Variants in DAPK1 observed in about 807,000 individuals in gnomAD.
DAPK1 encodes the protein death associated protein kinase 1.
DAPK1 carries 56 observed loss-of-function variants against 144.9 expected under a neutral mutation model. That is an observed-to-expected ratio of 0.39 (90% confidence interval 0.31 to 0.48). The LOEUF (loss-of-function observed/expected upper bound fraction) is 0.48, where lower values mean the gene tolerates loss of function less well. Ranked by LOEUF, DAPK1 falls within the 20% of genes least tolerant of loss-of-function variation. DAPK1 has a pLI of 0.95. For missense variants in DAPK1, 1,454 were observed against 1,875.4 expected (o/e 0.78, Z 4.15); for synonymous variants, 690 against 749.0 (o/e 0.92, Z 1.29).
At chr9:87,599,153 G>T (rs564021768) in intron 2 of DAPK1, among the ~76,000 whole-genome samples, 2 of 152,278 alleles carry the variant, frequency 1.3e-5, no homozygotes, top group African/African-American at 4.8e-5. Flanking sequence ...CAGCAATGGG[G>T]CTCAGTACCT....
chr9:87,624,232 G>C (rs58682470), intron 3 of DAPK1, among the ~76,000 whole-genome samples: 4 of 152,202 alleles, frequency 2.6e-5, no homozygotes, highest in Admixed American at 6.5e-5. Flanking sequence ...AGATCACTCA[G>C]AGGGGACCCC....
chr9:87,620,506 G>C (rs1321210209), intron 3 of DAPK1, among the ~76,000 whole-genome samples: 4 of 149,254 alleles, frequency 2.7e-5, no homozygotes, highest in East Asian at 4.1e-4. Context: ...GGATTTCCAG[G>C]TCATGGAAGG....
At chr9:87,577,839 G>T (rs1827619758) in intron 2 of DAPK1, among the ~76,000 whole-genome samples, 1 of 152,106 alleles carries the variant, frequency 6.6e-6, no homozygotes, top group Non-Finnish European at 1.5e-5. Context: ...AGTGATTCCT[G>T]TGTGTAACCA....
chr9:87,664,953 G>C (rs36216036), intron 18 of DAPK1, among the ~76,000 whole-genome samples: 8,774 of 152,170 alleles, frequency 0.058, 285 homozygotes, highest in East Asian at 0.11. Context: ...TCCACCGCCC[G>C]GGGGCCTTTG....
Position 87,681,446 on chromosome 9 carries a change from C to A in DAPK1, c.2044C>A (p.Gln682Lys). 6.2e-7 allele frequency: 1 copy of A among 1,613,494 alleles called. No individual in the cohort carries two copies. The highest frequency in any genetic ancestry group is 8.5e-7 in the Non-Finnish European group (1 of 1,179,414). The change falls in exon 20 of 26, where the codon CAG becomes AAG. Residue 682 changes from glutamine (Q) to lysine (K), a missense_variant. Transcript: ENST00000408954. ...CTTCATCCAGCAGCTCCGACCCACA[C>A]AGAACCTGCAGCCAAGAATTAAGCT... ...GLFIQQLRPT[Q>K]NLQPRIKLKL...
intron 3 of DAPK1, among the ~76,000 whole-genome samples, chr9:87,635,296 G>A (rs535200420): frequency 1.4e-4 from 21 of 152,166 alleles, no homozygotes; most frequent in African/African-American, 4.8e-4. Context: ...CAGCTGTGTG[G>A]GTGCTGGAAG....
chr9:87,529,092 CAG>C (rs1458324536), intron 2 of DAPK1, among the ~76,000 whole-genome samples: 1 of 152,112 alleles, frequency 6.6e-6, no homozygotes, highest in African/African-American at 2.4e-5. Context: ...TGGGAAGAAT[CAG>C]GGGAGAAGGG....
chr9:87,637,218 C>T (rs545740367), intron 3 of DAPK1, among the ~76,000 whole-genome samples: 14 of 152,230 alleles, frequency 9.2e-5, no homozygotes, highest in African/African-American at 2.6e-4. Context: ...CTCAGTCTCC[C>T]GAGTAGCTGA....
chr9:87,576,812 G>T (rs147210719), intron 2 of DAPK1, among the ~76,000 whole-genome samples: 2 of 152,202 alleles, frequency 1.3e-5, no homozygotes, highest in Non-Finnish European at 2.9e-5. Flanking sequence ...TGCCCACCTC[G>T]GCCTCCCAAA....
At chr9:87,631,387 C>T (rs1829687291) in intron 3 of DAPK1, among the ~76,000 whole-genome samples, 1 of 152,094 alleles carries the variant, frequency 6.6e-6, no homozygotes, top group African/African-American at 2.4e-5. Context: ...GTGACATGTC[C>T]TAAATACCTT....
chr9:87,693,404 CT>C lies in DAPK1; in HGVS notation c.2414-3601del, dbSNP rs36218122. Among the ~76,000 whole-genome samples, 1,501 of 151,792 alleles carry C rather than the reference CT, an allele frequency of 9.9e-3. 23 individuals carry two copies. Among genetic ancestry groups the C allele is most frequent in the African/African-American group, 0.034 (1,415 of 41,376 alleles). ...AATTTTCTGTTTTATTCAAGAAGTT[CT>C]TCAATTCTAGAATTTCTATTTTGAT... On this transcript the variant is annotated intron_variant, in intron 21 of 25. Coordinates refer to ENST00000408954, the MANE Select transcript of DAPK1 (RefSeq NM_004938.4).
chr9:87,702,087 C>CA (rs1248727835), intron 24 of DAPK1, among the ~76,000 whole-genome samples: 1 of 152,166 alleles, frequency 6.6e-6, no homozygotes, highest in Non-Finnish European at 1.5e-5. Flanking sequence ...TGCTGCTTCT[C>CA]AGACACCCCC....
intron 16 of DAPK1, 52 bp downstream of exon 16, chr9:87,650,170 G>C: frequency 1.3e-6 from 2 of 1,585,494 alleles, no homozygotes; most frequent in East Asian, 4.5e-5. Flanking sequence ...TAGGGGTCTA[G>C]AGGGACCACA....
intron 19 of DAPK1, chr9:87,669,057 T>G (rs928564361): frequency 5.3e-6 from 1 of 187,278 alleles, no homozygotes; most frequent in African/African-American, 2.4e-5. Context: ...GCTCTGAGGC[T>G]TAAAGAAACA....
intron 2 of DAPK1, chr9:87,525,234 A>G (rs1825451007): frequency 1.8e-6 from 2 of 1,099,818 alleles, no homozygotes; most frequent in Non-Finnish European, 1.4e-6. Context: ...TACCCAATGC[A>G]GTGCTTACCT....
intron 2 of DAPK1, among the ~76,000 whole-genome samples, chr9:87,575,567 C>T (rs553164002): frequency 6.6e-6 from 1 of 152,252 alleles, no homozygotes; most frequent in African/African-American, 2.4e-5. Context: ...GTCACTGTAC[C>T]TCCATGGAGG....
At chr9:87,586,879 T>C (rs181573796) in intron 2 of DAPK1, among the ~76,000 whole-genome samples, 280 of 152,362 alleles carry the variant, frequency 1.8e-3, no homozygotes, top group Non-Finnish European at 2.6e-3. Context: ...CTAAGTAACA[T>C]TGTTTAGTGA....
chr9:87,544,906 A>T (rs767749378), intron 2 of DAPK1, among the ~76,000 whole-genome samples: 2 of 152,204 alleles, frequency 1.3e-5, no homozygotes, highest in Non-Finnish European at 2.9e-5. Context: ...AAGGTGAGGT[A>T]GGGACACAGC....
At chr9:87,534,160 G>T (rs1825788343) in intron 2 of DAPK1, among the ~76,000 whole-genome samples, 2 of 151,482 alleles carry the variant, frequency 1.3e-5, no homozygotes, top group Non-Finnish European at 2.9e-5. Context: ...AAAAATGCAT[G>T]GTAAACATTA....
Sources: allele counts gnomAD v4.1 joint callset (sites outside exome capture counted in the v4.1 genomes callset), GRCh38; gene constraint gnomAD v4.1.1; transcripts MANE v1.5; gene names NCBI Gene and HGNC (gene_info 2026-07-23, HGNC 2026-07-21).